Variants in MRTFB observed in about 807,000 individuals in gnomAD.
The protein encoded by MRTFB is myocardin-related transcription factor B.
Under a neutral mutation model 104.2 loss-of-function variants are expected in MRTFB, and 29 were observed. The observed-to-expected ratio is 0.28, with a 90% CI of 0.21 to 0.38. MRTFB has a LOEUF of 0.38. Ranked by LOEUF, MRTFB falls within the 10% of genes least tolerant of loss-of-function variation. MRTFB has a pLI of 1.00. For missense variants in MRTFB, 1,270 were observed against 1,341.6 expected (o/e 0.95, Z 0.83); for synonymous variants, 535 against 519.5 (o/e 1.03, Z -0.41).
chr16:14,049,935 A>G, the MRTFB span, among the ~76,000 whole-genome samples: 6 of 152,090 alleles, frequency 3.9e-5, no homozygotes, highest in Non-Finnish European at 7.4e-5. Context: ...GTTTCACCAT[A>G]TTGGCCAGGC....
the MRTFB span, among the ~76,000 whole-genome samples, chr16:14,009,973 G>C: frequency 6.6e-6 from 1 of 152,024 alleles, no homozygotes; most frequent in African/African-American, 2.4e-5. Context: ...CTCACCAGAG[G>C]GCTTTTAGCA....
At position 14,171,307 on chromosome 16, in the gene MRTFB, G is replaced by A. The variant is rs145546108; in HGVS notation, c.154+30547G>A. ...AGAAAATATACATAGTCTGGGCATG[G>A]TGCTCACGCCTGTAATCCCAGCACT... On this transcript the variant is annotated intron_variant, in intron 3 of 16. Transcript: ENST00000571589. 1.7e-3 allele frequency among the ~76,000 whole-genome samples: 258 copies of A among 152,158 alleles called. 7 individuals carry two copies. In the East Asian group the frequency reaches 0.043, roughly 25 times the overall value.
chr16:14,042,266 C>G, the MRTFB span, among the ~76,000 whole-genome samples: 1 of 152,066 alleles, frequency 6.6e-6, no homozygotes, highest in South Asian at 2.1e-4. Context: ...GCTGGGATTA[C>G]AGGCACCCGC....
the MRTFB span, among the ~76,000 whole-genome samples, chr16:13,997,923 C>T: frequency 6.6e-5 from 10 of 151,970 alleles, no homozygotes; most frequent in South Asian, 4.1e-4. Flanking sequence ...TGGAGCTTAC[C>T]GTCTAGAGAA....
At chr16:14,120,079 T>C (rs886073206) in intron 2 of MRTFB, among the ~76,000 whole-genome samples, 1 of 152,258 alleles carries the variant, frequency 6.6e-6, no homozygotes, top group Non-Finnish European at 1.5e-5. Flanking sequence ...TCACTTCTTA[T>C]GTTTATTTGG....
intron 3 of MRTFB, chr16:14,186,611 A>G (rs1212373091): frequency 3.2e-6 from 3 of 924,436 alleles, no homozygotes; most frequent in African/African-American, 3.5e-5. Flanking sequence ...CTGGAATGGC[A>G]AGGGAAAGGG....
intron 2 of MRTFB, among the ~76,000 whole-genome samples, chr16:14,134,941 A>G (rs779212095): frequency 1.3e-5 from 2 of 152,244 alleles, no homozygotes; most frequent in African/African-American, 2.4e-5. Context: ...AAAATTAAGG[A>G]AAGTCTAGAT....
intron 2 of MRTFB, among the ~76,000 whole-genome samples, chr16:14,118,208 C>G (rs928655808): frequency 2.0e-5 from 3 of 150,100 alleles, no homozygotes; most frequent in African/African-American, 7.4e-5. Context: ...ATGATCTCGA[C>G]TCACTGCCCC....
chr16:14,035,031 A>G, the MRTFB span, among the ~76,000 whole-genome samples: 1 of 152,186 alleles, frequency 6.6e-6, no homozygotes, highest in Non-Finnish European at 1.5e-5. Flanking sequence ...AGACAGAAAC[A>G]TGGTCGGAAA....
chr16:14,065,725 A>G, the MRTFB span, among the ~76,000 whole-genome samples: 36 of 152,116 alleles, frequency 2.4e-4, no homozygotes, highest in African/African-American at 8.4e-4. Flanking sequence ...AGCGTGGGCA[A>G]CATAGCAAGA....
Position 14,261,467 on chromosome 16 carries a change from A to G in MRTFB, c.*23A>G. The stretch of plus-strand genomic sequence containing the variant: ...TAACGTCACAGATTTCTTTTCTGAG[A>G]GTTGATGAGGTTTAAGAACATGAAG... On this transcript the variant is annotated 3_prime_UTR_variant, in exon 17 of 17. Coordinates refer to ENST00000571589, the MANE Select transcript of MRTFB (RefSeq NM_001308142.2). 1 of 1,563,960 alleles carries G rather than the reference A, an allele frequency of 6.4e-7. No homozygotes were observed. The highest frequency in any genetic ancestry group is 8.7e-7 in the Non-Finnish European group (1 of 1,152,560).
intron 2 of MRTFB, among the ~76,000 whole-genome samples, chr16:14,109,351 C>T (rs1044152643): frequency 1.3e-5 from 2 of 151,988 alleles, no homozygotes; most frequent in African/African-American, 4.8e-5. Context: ...CGGATGTACT[C>T]AGTTTAAGTT....
At chr16:14,174,148 T>TCAA (rs1375109286) in intron 3 of MRTFB, among the ~76,000 whole-genome samples, 1 of 152,224 alleles carries the variant, frequency 6.6e-6, no homozygotes, top group Non-Finnish European at 1.5e-5. Context: ...AATGATTAGT[T>TCAA]CAACATGTAT....
At chr16:14,140,442 C>A (rs2037936172) in intron 2 of MRTFB, 102 bp from the exon 3 acceptor site, 1 of 741,498 alleles carries the variant, frequency 1.3e-6, no homozygotes, top group Non-Finnish European at 2.2e-6. Context: ...GACCATACAG[C>A]AGTAAAACTG....
intron 3 of MRTFB, among the ~76,000 whole-genome samples, chr16:14,168,912 T>C (rs1265465069): frequency 1.3e-5 from 2 of 152,236 alleles, no homozygotes; most frequent in African/African-American, 2.4e-5. Context: ...TGTGTTGATA[T>C]CTCATTGAAG....
At chr16:14,017,659 GTGTGTATT>G in the MRTFB span, among the ~76,000 whole-genome samples, 1 of 62,532 alleles carries the variant, frequency 1.6e-5, no homozygotes, top group Non-Finnish European at 3.4e-5. Flanking sequence ...GTGTGTGTGT[GTGTGTATT>G]TGTGTGTGTG....
At chr16:14,200,269 A>G in intron 3 of MRTFB, 2 of 1,527,064 alleles carry the variant, frequency 1.3e-6, no homozygotes, top group South Asian at 1.1e-5. Context: ...ACAGCCTTTA[A>G]GAAAGAGCTA....
chr16:14,214,036 C>G (rs2041311248), intron 6 of MRTFB, among the ~76,000 whole-genome samples: 1 of 152,204 alleles, frequency 6.6e-6, no homozygotes, highest in Non-Finnish European at 1.5e-5. Flanking sequence ...AACATTTTCT[C>G]TTTATTGCCA....
chr16:14,253,699 C>T (rs781255332), intron 15 of MRTFB, among the ~76,000 whole-genome samples: 5 of 152,146 alleles, frequency 3.3e-5, no homozygotes, highest in East Asian at 1.9e-4. Flanking sequence ...GCTCAGGGCC[C>T]GTAGGGGGCT....
Sources: allele counts gnomAD v4.1 joint callset (sites outside exome capture counted in the v4.1 genomes callset), GRCh38; gene constraint gnomAD v4.1.1; transcripts MANE v1.5; gene names NCBI Gene and HGNC (gene_info 2026-07-23, HGNC 2026-07-21).